Variants in RAD54L2 observed in about 807,000 individuals in gnomAD.
RAD54L2 encodes helicase ARIP4.
RAD54L2 carries 27 observed loss-of-function variants against 138.4 expected under a neutral mutation model. The observed-to-expected ratio is 0.20, with a 90% CI of 0.14 to 0.27. RAD54L2 has a LOEUF of 0.27. Ranked by LOEUF, RAD54L2 falls within the 10% of genes least tolerant of loss-of-function variation. RAD54L2 has a pLI of 1.00. For synonymous variants in RAD54L2, 644 were observed against 723.2 expected, an observed-to-expected ratio of 0.89 and a Z score of 1.76; for missense variants, 1,396 against 1,890.2, an observed-to-expected ratio of 0.74 and a Z score of 4.85.
intron 3 of RAD54L2, among the ~76,000 whole-genome samples, chr3:51,617,931 A>G (rs576398744): frequency 6.6e-6 from 1 of 152,164 alleles, no homozygotes; most frequent in East Asian, 1.9e-4. Context: ...TAAATAATGT[A>G]TATTTAATAC....
Position 51,663,951 on chromosome 3 carries a change from AGT to A in RAD54L2, c.*542_*543del, listed in dbSNP as rs756454602. 2.7e-5 allele frequency: 4 copies of A among 149,014 alleles called. No individual in the cohort carries two copies. The highest frequency in any genetic ancestry group is 5.7e-5 in the Non-Finnish European group (4 of 69,692). The allele number at this position is 149,014 out of a possible 1,614,324, so 9.2% of individuals were successfully genotyped here. A position where few individuals can be genotyped will look rare whatever the true frequency, so the allele number is the denominator to read the frequency against. Reference sequence around the variant, plus strand: ...AGCTGACCAGGTATGTGTGTTTGTGAGTGTGTGTGTGTATGTTTATTTTGTAT... The same window carrying A: ...AGCTGACCAGGTATGTGTGTTTGTGAGTGTGTGTGTATGTTTATTTTGTAT... On this transcript the variant is annotated 3_prime_UTR_variant, in exon 23 of 23. Coordinates refer to ENST00000684192, the MANE Select transcript of RAD54L2 (RefSeq NM_015106.4).
At chr3:51,588,807 G>A (rs752973188) in intron 2 of RAD54L2, among the ~76,000 whole-genome samples, 1 of 152,164 alleles carries the variant, frequency 6.6e-6, no homozygotes, top group African/African-American at 2.4e-5. Context: ...TGGACTGAAT[G>A]TGAATGAATG....
rs1701906458 is a variant in RAD54L2 at position 51,666,174 on chromosome 3, C to CTTTTTGTT, written c.*2759_*2760insGTTTTTTT. 1.7e-5 allele frequency: 1 copy of CTTTTTGTT among 58,706 alleles called. No homozygotes were observed. Among genetic ancestry groups the CTTTTTGTT allele is most frequent in the Non-Finnish European group, 2.8e-5 (1 of 36,318 alleles). 3.6% of individuals were successfully genotyped at this position (58,706 alleles called of 1,614,324 possible). ...AGTGCTACCAGGTCCATGGTTTTTG[C>CTTTTTGTT]TTTTTTTTTTTTTTTTTTTTTTTTT... On this transcript the variant is annotated 3_prime_UTR_variant, in exon 23 of 23. Coordinates refer to ENST00000684192, the MANE Select transcript of RAD54L2 (RefSeq NM_015106.4).
At chr3:51,656,208 C>T (rs749177455) in intron 20 of RAD54L2, 38 bp downstream of exon 20, 10 of 1,504,412 alleles carry the variant, frequency 6.6e-6, no homozygotes, top group African/African-American at 1.4e-5. Context: ...GCTGCTGTCC[C>T]TTTTAAAATT....
intron 2 of RAD54L2, among the ~76,000 whole-genome samples, chr3:51,564,746 ATC>A (rs1371480160): frequency 4.6e-5 from 7 of 152,174 alleles, no homozygotes; most frequent in Non-Finnish European, 8.8e-5. Flanking sequence ...GTGAAACCAC[ATC>A]TCTGTTTATT....
Position 51,637,028 on chromosome 3 carries a change from A to G in RAD54L2, c.1340-133A>G. The G allele has an allele frequency of 3.9e-6, 3 of 775,760 alleles. No homozygotes were observed. Among genetic ancestry groups the G allele is most frequent in the Non-Finnish European group, 6.3e-6 (3 of 472,824 alleles). The allele number at this position is 775,760 out of a possible 1,614,324, so 48.1% of individuals were successfully genotyped here. ...CTTGAATGGCTGGCACCCTCTCACC[A>G]AGGGGGGCTGACTCTTGCTTTCCTG... On this transcript the variant is annotated intron_variant, in intron 10 of 22. Coordinates refer to ENST00000684192, the MANE Select transcript of RAD54L2 (RefSeq NM_015106.4). The surrounding 1 kb of genome is among the most constrained non-coding windows in gnomAD (Gnocchi z 5.9).
At chr3:51,597,678 C>T (rs1338054439) in intron 3 of RAD54L2, among the ~76,000 whole-genome samples, 1 of 151,942 alleles carries the variant, frequency 6.6e-6, no homozygotes, top group Non-Finnish European at 1.5e-5. Flanking sequence ...AAATACAAAA[C>T]TTAGCTGGGT....
chr3:51,660,063 T>C lies in RAD54L2; in HGVS notation c.3354T>C (p.Ala1118=). The stretch of plus-strand genomic sequence containing the variant: ...GTACCAGTGATGGACGGATCTTTGC[T>C]GTCCGGGCAACTGGCAAACCAAAGG... ...YIRTSDGRIF[A]VRATGKPKVP... is the part of the protein sequence containing the mutation. The change falls in exon 22 of 23, where the codon GCT becomes GCC. Residue 1118 remains alanine (A), a synonymous_variant. Coordinates refer to ENST00000684192, the MANE Select transcript of RAD54L2 (RefSeq NM_015106.4). The C allele has an allele frequency of 6.3e-7, 1 of 1,599,714 alleles. No homozygotes were observed. The highest frequency in any genetic ancestry group is 8.6e-7 in the Non-Finnish European group (1 of 1,168,060).
At position 51,590,539 on chromosome 3, in the gene RAD54L2, A is replaced by G. The variant is rs1205219446; in HGVS notation, c.119A>G (p.Asp40Gly). Reference protein sequence around the residue: ...EVAVEECDRDDEEDLLDDPSL... With the variant: ...EVAVEECDRDGEEDLLDDPSL... ...GCAGTGGAGGAGTGTGACAGGGATG[A>G]TGAAGAAGACCTGCTGGATGGTAAG... The change falls in exon 3 of 23, where the codon GAT becomes GGT. Residue 40 changes from aspartate to glycine, a missense_variant. Physicochemically the swap from Asp to Gly is moderately conservative, Grantham distance 94 (BLOSUM62 -1). Around this residue, in one of 7 missense-constraint regions of RAD54L2, gnomAD observed 256 missense variants for 344.6 expected, o/e 0.74. Transcript: ENST00000684192. 6.4e-7 allele frequency: 1 copy of G among 1,552,434 alleles called. No individual in the cohort carries two copies. Among genetic ancestry groups the G allele is most frequent in the South Asian group, 1.2e-5 (1 of 84,062 alleles).
At chr3:51,646,626 G>A in intron 19 of RAD54L2, 145 bp downstream of exon 19, 1 of 891,236 alleles carries the variant, frequency 1.1e-6, no homozygotes. Flanking sequence ...AGGTGTGAAA[G>A]CAGTTCAGTA....
chr3:51,571,366 C>A (rs1448239097), intron 2 of RAD54L2, among the ~76,000 whole-genome samples: 1 of 144,464 alleles, frequency 6.9e-6, no homozygotes, highest in Non-Finnish European at 1.5e-5. Flanking sequence ...TGAAATTTGG[C>A]TGTGTCTCTG....
At chr3:51,606,782 A>G (rs1157390450) in intron 3 of RAD54L2, among the ~76,000 whole-genome samples, 3 of 151,852 alleles carry the variant, frequency 2.0e-5, no homozygotes, top group Non-Finnish European at 2.9e-5. Flanking sequence ...TCCCGGGTTC[A>G]CGCTATTCTC....
At chr3:51,551,890 C>G (rs962603768) in intron 2 of RAD54L2, among the ~76,000 whole-genome samples, 1 of 151,744 alleles carries the variant, frequency 6.6e-6, no homozygotes, top group Admixed American at 6.6e-5. Flanking sequence ...GTAGCTGGGA[C>G]TGCAGGCATG....
intron 9 of RAD54L2, 128 bp downstream of exon 9, chr3:51,634,163 A>G: frequency 1.6e-6 from 2 of 1,226,036 alleles, no homozygotes; most frequent in South Asian, 1.6e-5. Context: ...CTGATGTATC[A>G]CTTTCTCTGT....
intron 12 of RAD54L2, chr3:51,639,071 T>G (rs1034402194): frequency 2.2e-5 from 6 of 275,300 alleles, no homozygotes; most frequent in Admixed American, 9.8e-5. Flanking sequence ...TCTATAGTTT[T>G]ATACAGTAGC....
At chr3:51,604,372 T>G (rs778530940) in intron 3 of RAD54L2, among the ~76,000 whole-genome samples, 89 of 152,344 alleles carry the variant, frequency 5.8e-4, no homozygotes, top group East Asian at 5.8e-4. Context: ...TCTAGGACTT[T>G]GCATTGCATT....
At chr3:51,546,379 G>A (rs184585974) in intron 2 of RAD54L2, among the ~76,000 whole-genome samples, 14 of 152,156 alleles carry the variant, frequency 9.2e-5, no homozygotes, top group Admixed American at 5.2e-4. Context: ...TGTGGCTCAC[G>A]CCTGTAATCC....
At chr3:51,556,417 A>T (rs1003424736) in intron 2 of RAD54L2, among the ~76,000 whole-genome samples, 1 of 151,400 alleles carries the variant, frequency 6.6e-6, no homozygotes, top group Non-Finnish European at 1.5e-5. Context: ...GCTAGATTTT[A>T]CTTTTTATTT....
In RAD54L2 at chr3:51,639,649, C is replaced by T. The variant is rs189189099; in HGVS notation, c.2091C>T (p.Asn697=). The part of the protein sequence containing the change: ...VGFNPFQERG[N]NIVTYEWAKD... ...TCAACCCTTTCCAGGAGCGAGGCAA[C>T]AACATTGTCACATATGAATGGGTGA... The change falls in exon 13 of 23, where the codon AAC becomes AAT. Residue 697 remains asparagine, a synonymous_variant. Transcript: ENST00000684192. The T allele has an allele frequency of 8.8e-5, 142 of 1,613,706 alleles. 2 individuals carry two copies. The Admixed American group carries it at 2.3e-3, about 27-fold the overall frequency.
Sources: gnomAD v4.1 joint callset for allele counts (sites outside exome capture counted in the v4.1 genomes callset) on GRCh38, gnomAD v4.1.1 for gene constraint, gnomAD v4.1.1 regional missense constraint, Gnocchi (gnomAD v3.1) non-coding constraint, MANE v1.5 for transcripts, NCBI Gene and HGNC (gene_info 2026-07-23, HGNC 2026-07-21) for gene names.